TROAP: variants seen among roughly 807,000 people sequenced by gnomAD.
TROAP encodes the protein tastin.
In TROAP, 62 loss-of-function variants were observed where a neutral mutation model predicts 83.4. That is an observed-to-expected ratio of 0.74 (90% CI 0.61 to 0.92). The LOEUF is 0.92. Ranked by LOEUF, TROAP falls within the 40% of genes least tolerant of loss-of-function variation. The pLI is 0.00. For missense variants in TROAP, 876 were observed against 985.1 expected (o/e 0.89, Z 1.48); for synonymous variants, 352 against 386.4 (o/e 0.91, Z 1.04).
At position 49,326,070 on chromosome 12, in the gene TROAP, G is replaced by A. The variant is rs1374193382; in HGVS notation, c.634-6G>A. The A allele has an allele frequency of 5.6e-6, 9 of 1,613,466 alleles. No homozygotes were observed. Among genetic ancestry groups the A allele is most frequent in the African/African-American group, 1.3e-5 (1 of 74,892 alleles). ...TCCGTTTTCATCTCTTGCTCCTGTGGATCAGATTTCACCTTCAGGACCTTC... is the reference window on the plus strand; with the variant it reads ...TCCGTTTTCATCTCTTGCTCCTGTGAATCAGATTTCACCTTCAGGACCTTC... On this transcript the variant is annotated splice_region_variant and splice_polypyrimidine_tract_variant and intron_variant, in intron 5 of 14. Transcript: ENST00000257909.
Position 49,328,963 on chromosome 12 carries a change from C to G in TROAP, c.928C>G (p.Pro310Ala), listed in dbSNP as rs761765500. The change falls in exon 9 of 15, where the codon CCT (proline) becomes GCT (alanine). Residue 310 changes from proline to alanine, a missense_variant. This residue lies in a region of TROAP where 689 missense variants were observed against 722.6 expected (regional missense o/e 0.95). Transcript: ENST00000257909. The stretch of plus-strand genomic sequence containing the variant: ...CTCCCACCTGATGCCCTCCCCTGCC[C>G]CTGTGGCCCAGCCCTTGCCTGGCCA... ...HDSHLMPSPA[P>A]VAQPLPGHVV... is the part of the protein sequence containing the mutation. 14 of 1,602,384 alleles carry G rather than the reference C, an allele frequency of 8.7e-6. No homozygotes were observed. In the African/African-American group the frequency reaches 1.7e-4, roughly 20 times the overall value.
intron 3 of TROAP, among the ~76,000 whole-genome samples, chr12:49,324,800 G>T (rs890698320): frequency 6.7e-6 from 1 of 149,948 alleles, no homozygotes; most frequent in African/African-American, 2.5e-5. Context: ...GCATGATCTC[G>T]GCTCACTGCA....
At position 49,331,621 on chromosome 12, in the gene TROAP, G is replaced by T; in HGVS notation, c.*4G>T. The T allele has an allele frequency of 6.2e-7, 1 of 1,614,186 alleles. No individual in the cohort carries two copies. Among genetic ancestry groups the T allele is most frequent in the Non-Finnish European group, 8.5e-7 (1 of 1,180,028 alleles). On this transcript the variant is annotated 3_prime_UTR_variant, in exon 15 of 15. Transcript: ENST00000257909. ...TGCCCCCCAGGGCTCTCCATGATGA[G>T]ACAACCACTCCTGCCCTGCCGTACT... is the stretch of plus-strand genomic sequence containing the variant.
In TROAP at chr12:49,330,333, ACAC is replaced by A. The variant is rs773229509; in HGVS notation, c.1489_1491del (p.His497del). On this transcript the variant is annotated inframe_deletion, in exon 13 of 15. Transcript: ENST00000257909. ...CTTCCCACCTTCCTGGACTGTTAAA[ACAC>A]TCAGGGCTGCCAAAGCCCTGTCTTC... 4 of 1,614,088 alleles carry A rather than the reference ACAC, an allele frequency of 2.5e-6. No individual in the cohort carries two copies. The highest frequency in any genetic ancestry group is 3.4e-6 in the Non-Finnish European group (4 of 1,179,970).
rs760021560 is a variant in TROAP at position 49,330,813 on chromosome 12, CA to C, written c.1969del (p.Ser657ValfsTer16). Reference protein sequence around the residue: ...CTLEHRSLESSLPPCCSQWAP... With the variant: ...CTLEHRSLESXLPPCCSQWAP... ...CCCTGGAACATAGAAGTCTAGAGTC[CA>C]GTCTACCACCCTGCTGCAGTCAGTG... is the stretch of plus-strand genomic sequence containing the variant. On this transcript the variant is annotated frameshift_variant, in exon 13 of 15. Coordinates refer to ENST00000257909, the MANE Select transcript of TROAP (RefSeq NM_005480.4). LOFTEE classifies it high-confidence loss of function. The C allele has an allele frequency of 6.2e-7, 1 of 1,613,868 alleles. No homozygotes were observed. Among genetic ancestry groups the C allele is most frequent in the South Asian group, 1.1e-5 (1 of 91,086 alleles).
rs199619728 is a variant in TROAP at position 49,331,652 on chromosome 12, C to G, written c.*35C>G. ...CACTCCTGCCCTGCCGTACTTCTTCCTTTTAGCCCTTATTTATTGTCGGTC... is the reference window on the plus strand; with the variant it reads ...CACTCCTGCCCTGCCGTACTTCTTCGTTTTAGCCCTTATTTATTGTCGGTC... On this transcript the variant is annotated 3_prime_UTR_variant, in exon 15 of 15. Coordinates refer to ENST00000257909, the MANE Select transcript of TROAP (RefSeq NM_005480.4). 3 of 1,613,840 alleles carry G rather than the reference C, an allele frequency of 1.9e-6. No individual in the cohort carries two copies. Among genetic ancestry groups the G allele is most frequent in the East Asian group, 4.5e-5 (2 of 44,886 alleles).
chr12:49,324,576 T>G (rs1209324054), intron 3 of TROAP: 1 of 166,016 alleles, frequency 6.0e-6, no homozygotes, highest in African/African-American at 2.4e-5. Flanking sequence ...TAGTGTCTTA[T>G]GTAACATTCT....
In TROAP at chr12:49,331,331, G is replaced by A. The variant is rs1943579791; in HGVS notation, c.2216G>A (p.Ser739Asn). 1 of 1,614,044 alleles carries A rather than the reference G, an allele frequency of 6.2e-7. No homozygotes were observed. Among genetic ancestry groups the A allele is most frequent in the South Asian group, 1.1e-5 (1 of 91,082 alleles). Residue 739 changes from serine (S) to asparagine (N), a missense_variant, in exon 14 of 15, where the codon AGC becomes AAC. By Grantham distance (46) the Ser-to-Asn change is conservative (BLOSUM62 1). Transcript: ENST00000257909. The part of the protein sequence containing the change: ...RLDDECAFYT[S>N]RAPPSGPTRV... ...GACGATGAGTGTGCCTTTTACACCA[G>A]CCGAGCCCCTCCCTCAGGCCCCACC...
Position 49,329,596 on chromosome 12 carries a change from TAGG to T in TROAP, c.1164+147_1164+149del, listed in dbSNP as rs1419018468. On this transcript the variant is annotated intron_variant, in intron 11 of 14. Coordinates refer to ENST00000257909, the MANE Select transcript of TROAP (RefSeq NM_005480.4). The surrounding 1 kb of genome is among the most constrained non-coding windows in gnomAD (Gnocchi z 4.5). Reference sequence around the variant, plus strand: ...ATCCCAGCACTTTGGGAGGCTGAGGTAGGAGGATTGCTTGAGCTCAGATCTTTG... The same window carrying T: ...ATCCCAGCACTTTGGGAGGCTGAGGTAGGATTGCTTGAGCTCAGATCTTTG... 1.5e-5 allele frequency: 16 copies of T among 1,082,332 alleles called. No homozygotes were observed. The African/African-American group carries it at 2.1e-4, about 14-fold the overall frequency. The allele number at this position is 1,082,332 out of a possible 1,614,324, so 67.0% of individuals were successfully genotyped here.
At position 49,331,709 on chromosome 12, in the gene TROAP, TC is replaced by T. The variant is rs1943586316; in HGVS notation, c.*94del. ...TGGGACTGGGAGCCGCCCACTTTTG[TC>T]CTCAATAAAGTTTCTAAAGTATCCA... On this transcript the variant is annotated 3_prime_UTR_variant, in exon 15 of 15. Coordinates refer to ENST00000257909, the MANE Select transcript of TROAP (RefSeq NM_005480.4). The T allele has an allele frequency of 1.9e-6, 3 of 1,541,198 alleles. No individual in the cohort carries two copies. The highest frequency in any genetic ancestry group is 2.7e-6 in the Non-Finnish European group (3 of 1,119,228).
rs563059609 is a variant in TROAP at position 49,328,793 on chromosome 12, T to G, written c.892-134T>G. 142 of 1,234,546 alleles carry G rather than the reference T, an allele frequency of 1.2e-4. No homozygotes were observed. The African/African-American group carries it at 2.1e-3, about 18-fold the overall frequency. The allele number at this position is 1,234,546 out of a possible 1,614,324, so 76.5% of individuals were successfully genotyped here. A position where few individuals can be genotyped will look rare whatever the true frequency, so the allele number is the denominator to read the frequency against. ...GCAGGAGAATGGTGTGAACCCGGGA[T>G]GCGGAGCTTGCAGTGAGCCAAGATC... On this transcript the variant is annotated intron_variant, in intron 8 of 14. Coordinates refer to ENST00000257909, the MANE Select transcript of TROAP (RefSeq NM_005480.4).
At position 49,330,160 on chromosome 12, in the gene TROAP, C is replaced by T. The variant is rs1943556684; in HGVS notation, c.1315C>T (p.Gln439Ter). The T allele has an allele frequency of 6.2e-7, 1 of 1,613,662 alleles. No homozygotes were observed. The highest frequency in any genetic ancestry group is 8.5e-7 in the Non-Finnish European group (1 of 1,179,810). Residue 439 changes from glutamine (Q) to a stop codon, truncating the protein, a stop_gained, in exon 13 of 15, where the codon CAA becomes TAA. Transcript: ENST00000257909. LOFTEE classifies it high-confidence loss of function. ...EVKIQRIGILQQLLRQEVEGL... is the reference protein window; with the variant it reads ...EVKIQRIGIL ...CCCACCACAGCGCATCGGTATCCTG[C>T]AACAGCTGTTGAGACAGGAAGTAGA...
rs963376403 is a variant in TROAP at position 49,329,845 on chromosome 12, C to G, written c.1165-12C>G. The stretch of plus-strand genomic sequence containing the variant: ...GCCTGGCTTGCTTGTGTGCCTTGTT[C>G]CTTGGTGACAGGAGCAGGTTGCCGT... On this transcript the variant is annotated splice_polypyrimidine_tract_variant and intron_variant, in intron 11 of 14. Transcript: ENST00000257909. The surrounding 1 kb of genome is among the most constrained non-coding windows in gnomAD (Gnocchi z 4.5). 3 of 1,612,964 alleles carry G rather than the reference C, an allele frequency of 1.9e-6. No individual in the cohort carries two copies. Among genetic ancestry groups the G allele is most frequent in the Non-Finnish European group, 2.5e-6 (3 of 1,179,428 alleles).
chr12:49,325,365 T>G (rs1452938793), intron 3 of TROAP, 136 bp from the exon 4 acceptor site: 3 of 900,248 alleles, frequency 3.3e-6, no homozygotes, highest in East Asian at 5.6e-5. Flanking sequence ...CATCTATTTC[T>G]TAAAAAAAAA....
chr12:49,326,849 A>T, intron 7 of TROAP, 129 bp downstream of exon 7: 1 of 989,740 alleles, frequency 1.0e-6, no homozygotes, highest in South Asian at 1.6e-5. Context: ...CTAGGTCAGA[A>T]GGAGAAGGAG....
intron 3 of TROAP, chr12:49,324,356 A>C: frequency 1.8e-6 from 1 of 553,420 alleles, no homozygotes; most frequent in Non-Finnish European, 3.1e-6. Context: ...AAAATAAATA[A>C]ATAAATAAAT....
intron 1 of TROAP, 105 bp from the exon 2 acceptor site, chr12:49,323,499 C>G: frequency 6.8e-7 from 1 of 1,467,100 alleles, no homozygotes. Context: ...CTTGTGGGCG[C>G]GTGGATTAGG....
At position 49,330,222 on chromosome 12, in the gene TROAP, A is replaced by G; in HGVS notation, c.1377A>G (p.Gly459=). Residue 459 remains glycine (G), a synonymous_variant, in exon 13 of 15, where the codon GGA becomes GGG. Transcript: ENST00000257909. ...GGGGCCAGTGTGTCCCTCTTAATGG[A>G]GGCTCTTCTCTGGATATGGTTGAAC... ...LVGGQCVPLN[G]GSSLDMVELQ... 1 of 1,614,096 alleles carries G rather than the reference A, an allele frequency of 6.2e-7. No homozygotes were observed. Among genetic ancestry groups the G allele is most frequent in the African/African-American group, 1.3e-5 (1 of 75,012 alleles).
chr12:49,323,646 G>A lies in TROAP; in HGVS notation c.38G>A (p.Arg13Gln), dbSNP rs376455925. Residue 13 changes from arginine to glutamine, a missense_variant, in exon 2 of 15, where the codon CGG becomes CAG. Transcript: ENST00000257909. ...CAAGCCACGAAGGATCCCCTCCTCC[G>A]GGGTGTATCTCCTACCCCTAGCAAG... ...TRQATKDPLL[R>Q]GVSPTPSKIP... 13 of 1,614,022 alleles carry A rather than the reference G, an allele frequency of 8.1e-6. No homozygotes were observed. In the African/African-American group the frequency reaches 1.5e-4, roughly 18 times the overall value.
Sources: gnomAD v4.1 joint callset for allele counts (sites outside exome capture counted in the v4.1 genomes callset) on GRCh38, gnomAD v4.1.1 for gene constraint, gnomAD v4.1.1 regional missense constraint, Gnocchi (gnomAD v3.1) non-coding constraint, MANE v1.5 for transcripts, NCBI Gene and HGNC (gene_info 2026-07-23, HGNC 2026-07-21) for gene names.